Variants in NSMCE1 observed in about 807,000 individuals in gnomAD.
The protein encoded by NSMCE1 is NSE1 component of SMC5/6 complex, also known as non-structural maintenance of chromosomes element 1 homolog.
In NSMCE1, 18 loss-of-function variants were observed where a neutral mutation model predicts 29.6. The observed-to-expected ratio is 0.61, with a 90% CI of 0.42 to 0.90. NSMCE1 has a LOEUF of 0.90. NSMCE1 is among the 40% of genes least tolerant of loss of function. The probability of loss-of-function intolerance (pLI) is 0.00; values close to 1 mark genes in which losing one functional copy is unlikely to be tolerated. For synonymous variants in NSMCE1, 124 were observed against 133.4 expected, an observed-to-expected ratio of 0.93 and a Z score of 0.49; for missense variants, 314 against 343.6, an observed-to-expected ratio of 0.91 and a Z score of 0.68.
intron 6 of NSMCE1, 52 bp downstream of exon 6, chr16:27,226,668 C>T: frequency 2.5e-6 from 3 of 1,190,568 alleles, no homozygotes; most frequent in Non-Finnish European, 3.7e-6. Context: ...TGTACAGAGC[C>T]CCGGGAGCCG....
intron 2 of NSMCE1, chr16:27,241,455 T>G: frequency 6.2e-6 from 1 of 162,360 alleles, no homozygotes. Flanking sequence ...GGTGCAGGAG[T>G]GGAGCTGGCC....
At chr16:27,250,923 C>T (rs1361759975) in intron 2 of NSMCE1, among the ~76,000 whole-genome samples, 1 of 142,466 alleles carries the variant, frequency 7.0e-6, no homozygotes, top group South Asian at 2.2e-4. Flanking sequence ...CTCACTGCAA[C>T]CTCTGCCTCC....
intron 2 of NSMCE1, among the ~76,000 whole-genome samples, chr16:27,256,524 AC>A (rs2084088113): frequency 6.6e-6 from 1 of 152,240 alleles, no homozygotes; most frequent in Non-Finnish European, 1.5e-5. Flanking sequence ...TCACAAAAAA[AC>A]AACATAATCA....
intron 2 of NSMCE1, among the ~76,000 whole-genome samples, chr16:27,246,902 T>C (rs1348663499): frequency 2.0e-5 from 3 of 152,058 alleles, no homozygotes; most frequent in East Asian, 1.9e-4. Context: ...ATCAACACCG[T>C]AGCCGACCTG....
At chr16:27,247,783 C>T (rs1161920058) in intron 2 of NSMCE1, among the ~76,000 whole-genome samples, 21 of 151,996 alleles carry the variant, frequency 1.4e-4, no homozygotes, top group African/African-American at 3.9e-4. Flanking sequence ...AAAAATTAGC[C>T]GGGCGTGGTG....
chr16:27,248,406 C>CA (rs2083980705), intron 2 of NSMCE1, among the ~76,000 whole-genome samples: 1 of 84,770 alleles, frequency 1.2e-5, no homozygotes, highest in Non-Finnish European at 2.2e-5. Flanking sequence ...TTTTAGTTTG[C>CA]TTTTTTTTTT....
chr16:27,226,072 A>G (rs1203444272), intron 6 of NSMCE1: 21 of 482,214 alleles, frequency 4.4e-5, no homozygotes. Context: ...ACATGAACGC[A>G]GTGACAGAAG....
chr16:27,261,369 T>C (rs1413003464), intron 1 of NSMCE1, among the ~76,000 whole-genome samples: 3 of 151,374 alleles, frequency 2.0e-5, no homozygotes, highest in African/African-American at 7.3e-5. Flanking sequence ...CTAAAACTTA[T>C]AAACAAACAA....
At chr16:27,267,376 T>C (rs1328521807) in intron 1 of NSMCE1, among the ~76,000 whole-genome samples, 1 of 152,174 alleles carries the variant, frequency 6.6e-6, no homozygotes, top group African/African-American at 2.4e-5. Context: ...AACAACCTTA[T>C]GAGCAAAGGG....
intron 5 of NSMCE1, 42 bp from the exon 6 acceptor site, chr16:27,226,878 T>C: frequency 1.6e-6 from 2 of 1,218,870 alleles, no homozygotes; most frequent in Non-Finnish European, 1.2e-6. Context: ...AGCCAGGCCC[T>C]CTCCCCATTC....
At chr16:27,249,499 C>A (rs185696736) in intron 2 of NSMCE1, among the ~76,000 whole-genome samples, 13 of 152,216 alleles carry the variant, frequency 8.5e-5, no homozygotes, top group Admixed American at 8.5e-4. Context: ...TTATGGATAT[C>A]CAATTATTCC....
At chr16:27,229,825 CG>C (rs1286904174) in intron 5 of NSMCE1, among the ~76,000 whole-genome samples, 2 of 152,196 alleles carry the variant, frequency 1.3e-5, no homozygotes, top group African/African-American at 4.8e-5. Flanking sequence ...GTGATCTACC[CG>C]CCTTGGCCTC....
At chr16:27,236,276 C>T (rs1271232415) in intron 2 of NSMCE1, among the ~76,000 whole-genome samples, 1 of 150,950 alleles carries the variant, frequency 6.6e-6, no homozygotes, top group Admixed American at 6.6e-5. Context: ...CGTTGTGTCC[C>T]TTTTATGCTG....
chr16:27,243,727 T>C (rs1472912050), intron 2 of NSMCE1, among the ~76,000 whole-genome samples: 1 of 152,208 alleles, frequency 6.6e-6, no homozygotes, highest in Non-Finnish European at 1.5e-5. Context: ...CATAGCTCAC[T>C]ATAGCCTTGA....
At chr16:27,260,858 C>CAAAAAAAAAAAAAA (rs55762579) in intron 1 of NSMCE1, among the ~76,000 whole-genome samples, 2 of 87,972 alleles carry the variant, frequency 2.3e-5, no homozygotes, top group African/African-American at 8.4e-5. Flanking sequence ...GACCCTGTCT[C>CAAAAAAAAAAAAAA]AAAAAAAAAA....
At chr16:27,262,856 AAAC>A (rs1173220779) in intron 1 of NSMCE1, among the ~76,000 whole-genome samples, 1 of 152,168 alleles carries the variant, frequency 6.6e-6, no homozygotes, top group Non-Finnish European at 1.5e-5. Flanking sequence ...AGAGAAAATC[AAAC>A]AACCCCATTA....
At chr16:27,248,660 C>A (rs994634256) in intron 2 of NSMCE1, among the ~76,000 whole-genome samples, 1 of 152,084 alleles carries the variant, frequency 6.6e-6, no homozygotes, top group Non-Finnish European at 1.5e-5. Flanking sequence ...CCACCCACCT[C>A]GGCCTCCCAA....
In NSMCE1 at chr16:27,235,227, T is replaced by C. The variant is rs751211767; in HGVS notation, c.209A>G (p.Glu70Gly). The C allele has an allele frequency of 6.2e-7, 1 of 1,613,652 alleles. No homozygotes were observed. The highest frequency in any genetic ancestry group is 8.5e-7 in the Non-Finnish European group (1 of 1,179,788). The change falls in exon 3 of 8, where the codon GAG becomes GGG. Residue 70 changes from glutamate (E) to glycine (G), a missense_variant. Transcript: ENST00000361439. The part of the protein sequence containing the change: ...INSVLESLYI[E>G]IKRGVTEDDG... ...ATCTTCCGTGACTCCTCTCTTTATCTCAATATACAAGGACTCCAAGACACT... is the reference window on the plus strand; with the variant it reads ...ATCTTCCGTGACTCCTCTCTTTATCCCAATATACAAGGACTCCAAGACACT...
chr16:27,267,615 G>A (rs1167486270), intron 1 of NSMCE1, among the ~76,000 whole-genome samples: 1 of 149,332 alleles, frequency 6.7e-6, no homozygotes, highest in Non-Finnish European at 1.5e-5. Flanking sequence ...GTGGATGATC[G>A]GATGCAGGGG....
Sources: allele counts gnomAD v4.1 joint callset (sites outside exome capture counted in the v4.1 genomes callset), GRCh38; gene constraint gnomAD v4.1.1; transcripts MANE v1.5; gene names NCBI Gene and HGNC (gene_info 2026-07-23, HGNC 2026-07-21).